Variants in MYO9B observed in about 807,000 individuals in gnomAD.
The protein encoded by MYO9B is unconventional myosin-IXb.
In MYO9B, 71 loss-of-function variants were observed where a neutral mutation model predicts 229.5. That is an observed-to-expected ratio of 0.31 (90% CI 0.26 to 0.38). MYO9B has a LOEUF of 0.38. Ranked by LOEUF, MYO9B falls within the 10% of genes least tolerant of loss-of-function variation. The pLI is 1.00. For synonymous variants in MYO9B, 1,185 were observed against 1,235.8 expected (o/e 0.96, Z 0.86); for missense variants, 2,255 against 2,920.5 (o/e 0.77, Z 5.25).
intron 2 of MYO9B, among the ~76,000 whole-genome samples, chr19:17,118,906 G>T (rs975329873): frequency 2.6e-5 from 4 of 152,180 alleles, no homozygotes; most frequent in Admixed American, 6.5e-5. Flanking sequence ...GACGACAAGG[G>T]CAGGCAGCCC....
intron 38 of MYO9B, 23 bp from the exon 39 acceptor site, chr19:17,211,624 C>A: frequency 6.4e-7 from 1 of 1,572,868 alleles, no homozygotes. Flanking sequence ...TGGCCTTGGA[C>A]ACCACTACCC....
chr19:17,207,224 G>C lies in MYO9B; in HGVS notation c.5604G>C (p.Lys1868Asn), dbSNP rs2073172513. 1.3e-6 allele frequency: 2 copies of C among 1,598,434 alleles called. No homozygotes were observed. The highest frequency in any genetic ancestry group is 2.3e-5 in the South Asian group (2 of 87,940). ...PDNSDPLTSM[K>N]DVLKITTCVE... ...ACTCGGACCCGCTGACCAGCATGAAGGACGTCCTCAAGATCACCACGTGAG... is the reference window on the plus strand; with the variant it reads ...ACTCGGACCCGCTGACCAGCATGAACGACGTCCTCAAGATCACCACGTGAG... The change falls in exon 35 of 40, where the codon AAG (lysine) becomes AAC (asparagine). Residue 1868 changes from lysine to asparagine, a missense_variant. Transcript: ENST00000682292.
chr19:17,181,493 A>G (rs2072860261), intron 15 of MYO9B, among the ~76,000 whole-genome samples: 1 of 152,208 alleles, frequency 6.6e-6, no homozygotes, highest in Admixed American at 6.5e-5. Flanking sequence ...CAGAAGGTGC[A>G]TAAACCGGTT....
At chr19:17,141,635 C>T (rs1306444760) in intron 2 of MYO9B, among the ~76,000 whole-genome samples, 1 of 134,028 alleles carries the variant, frequency 7.5e-6, no homozygotes. Flanking sequence ...CTCTGTCCTG[C>T]CCCAGGCACC....
At chr19:17,117,151 G>T (rs75540828) in intron 2 of MYO9B, among the ~76,000 whole-genome samples, 8,180 of 152,234 alleles carry the variant, frequency 0.054, 259 homozygotes, top group South Asian at 0.11. Context: ...GGGTTATGGA[G>T]ACAGGGGACC....
At chr19:17,087,550 G>A (rs2057595085) in intron 1 of MYO9B, among the ~76,000 whole-genome samples, 2 of 152,204 alleles carry the variant, frequency 1.3e-5, no homozygotes, top group Non-Finnish European at 2.9e-5. Flanking sequence ...CACTCAAGGT[G>A]TTCTGCACTG....
At chr19:17,176,315 C>A (rs1259120642) in intron 14 of MYO9B, among the ~76,000 whole-genome samples, 1 of 152,086 alleles carries the variant, frequency 6.6e-6, no homozygotes. Context: ...GGATTACAGG[C>A]GTGAGCCACT....
intron 5 of MYO9B, 88 bp downstream of exon 5, chr19:17,154,154 T>C (rs2072512198): frequency 7.2e-7 from 1 of 1,383,066 alleles, no homozygotes; most frequent in South Asian, 1.2e-5. Flanking sequence ...AGAGGCAGCC[T>C]GCCCTGGCCC....
chr19:17,208,654 A>G (rs2073190381), intron 35 of MYO9B, among the ~76,000 whole-genome samples: 1 of 152,024 alleles, frequency 6.6e-6, no homozygotes, highest in South Asian at 2.1e-4. Flanking sequence ...GATGTTCTCG[A>G]TCTCCTGACC....
intron 10 of MYO9B, among the ~76,000 whole-genome samples, chr19:17,164,703 A>G (rs923345509): frequency 6.6e-6 from 1 of 152,124 alleles, no homozygotes; most frequent in Non-Finnish European, 1.5e-5. Context: ...TTTTGCAGCT[A>G]AATAGTCAAC....
intron 6 of MYO9B, among the ~76,000 whole-genome samples, chr19:17,155,472 C>T (rs547764701): frequency 6.6e-5 from 10 of 152,328 alleles, no homozygotes; most frequent in South Asian, 4.1e-4. Flanking sequence ...CAAGCCACCG[C>T]GCCCAGCAAT....
intron 2 of MYO9B, among the ~76,000 whole-genome samples, chr19:17,135,798 G>T (rs138605037): frequency 5.9e-5 from 9 of 152,100 alleles, no homozygotes; most frequent in African/African-American, 2.2e-4. Flanking sequence ...CCTGTGTTAC[G>T]TTCCCAAGAC....
intron 2 of MYO9B, 44 bp from the exon 3 acceptor site, chr19:17,145,353 A>AT: frequency 4.6e-6 from 7 of 1,532,052 alleles, no homozygotes; most frequent in Non-Finnish European, 6.3e-6. Context: ...AGAAAAAGAA[A>AT]TTCCACCCTC....
At position 17,158,631 on chromosome 19, in the gene MYO9B, C is replaced by G. The variant is rs575172546; in HGVS notation, c.1330-764C>G. Among the ~76,000 whole-genome samples the G allele has an allele frequency of 6.0e-3, 913 of 152,066 alleles. 6 individuals are homozygous for G. Among genetic ancestry groups the G allele is most frequent in the African/African-American group, 0.02 (833 of 41,508 alleles). The stretch of plus-strand genomic sequence containing the variant: ...AAGGAGAAAGCTGCCGCTTATTCCC[C>G]ACTCTTGCTGCTGGTGGGCAGAGAC... On this transcript the variant is annotated intron_variant, in intron 7 of 39. Transcript: ENST00000682292.
At chr19:17,124,497 C>T (rs964246447) in intron 2 of MYO9B, among the ~76,000 whole-genome samples, 3 of 151,990 alleles carry the variant, frequency 2.0e-5, no homozygotes, top group Non-Finnish European at 2.9e-5. Context: ...CACAGCTGGG[C>T]GTGGGGGCTC....
chr19:17,151,430 C>A (rs2072476191), intron 3 of MYO9B, among the ~76,000 whole-genome samples: 3 of 152,100 alleles, frequency 2.0e-5, no homozygotes, highest in Non-Finnish European at 4.4e-5. Context: ...AGAGAAGGTA[C>A]CTGCAAATCA....
chr19:17,097,673 C>G lies in MYO9B; in HGVS notation c.-58-3987C>G, dbSNP rs139143872. Among the ~76,000 whole-genome samples, 298 of 152,018 alleles carry G rather than the reference C, an allele frequency of 2.0e-3. 1 individual carries two copies. Among genetic ancestry groups the G allele is most frequent in the Admixed American group, 0.016 (249 of 15,278 alleles). ...CCTGTGTGAACTGTTGCCTCGGCCTCATAAGTTATCGTTTCTTTCAGCCTC... is the reference window on the plus strand; with the variant it reads ...CCTGTGTGAACTGTTGCCTCGGCCTGATAAGTTATCGTTTCTTTCAGCCTC... On this transcript the variant is annotated intron_variant, in intron 1 of 39. Coordinates refer to ENST00000682292, the MANE Select transcript of MYO9B (RefSeq NM_004145.4).
chr19:17,142,257 G>A (rs1292191072), intron 2 of MYO9B, among the ~76,000 whole-genome samples: 3 of 152,026 alleles, frequency 2.0e-5, no homozygotes, highest in Non-Finnish European at 4.4e-5. Context: ...CCCAGAACAG[G>A]CAAATCCATA....
intron 38 of MYO9B, 50 bp from the exon 39 acceptor site, chr19:17,211,597 C>T (rs373270899): frequency 6.6e-7 from 1 of 1,520,390 alleles, no homozygotes; most frequent in Non-Finnish European, 8.9e-7. Flanking sequence ...CACACTGGCC[C>T]AGCACTTCCG....
Sources: allele counts gnomAD v4.1 joint callset (sites outside exome capture counted in the v4.1 genomes callset), GRCh38; gene constraint gnomAD v4.1.1; transcripts MANE v1.5; gene names NCBI Gene and HGNC (gene_info 2026-07-23, HGNC 2026-07-21).